KCNQ5: variants seen among roughly 807,000 people sequenced by gnomAD.
KCNQ5 encodes the protein potassium voltage-gated channel subfamily KQT member 5.
A neutral mutation model predicts 98.2 loss-of-function variants in KCNQ5; 30 were observed. That is an observed-to-expected ratio of 0.31 (90% CI 0.23 to 0.41). KCNQ5 has a LOEUF of 0.41. Ranked by LOEUF, KCNQ5 falls within the 10% of genes least tolerant of loss-of-function variation. The pLI is 1.00. For synonymous variants in KCNQ5, 458 were observed against 449.4 expected (o/e 1.02, Z -0.24); for missense variants, 835 against 1,182.5 (o/e 0.71, Z 4.31).
chr6:72,980,906 T>G (rs868294622), intron 1 of KCNQ5, among the ~76,000 whole-genome samples: 1 of 152,330 alleles, frequency 6.6e-6, no homozygotes, highest in African/African-American at 2.4e-5. Context: ...TTTCTGCATC[T>G]GTTGAGATAA....
intron 1 of KCNQ5, among the ~76,000 whole-genome samples, chr6:72,853,752 G>A (rs1190911596): frequency 6.6e-6 from 1 of 152,222 alleles, no homozygotes; most frequent in African/African-American, 2.4e-5. Context: ...TGGGGAAGGA[G>A]AGGATTCAGT....
Position 72,893,644 on chromosome 6 carries a change from T to A in KCNQ5, c.399-110264T>A, listed in dbSNP as rs1779142196. The stretch of plus-strand genomic sequence containing the variant: ...TCCTTTGTATATGAATTTGTTCTCC[T>A]GGTAATAATAATGAATTTAGACCTA... On this transcript the variant is annotated intron_variant, in intron 1 of 13. Transcript: ENST00000370398. 2.6e-5 allele frequency among the ~76,000 whole-genome samples: 4 copies of A among 152,232 alleles called. No homozygotes were observed. In the South Asian group the frequency reaches 8.3e-4, roughly 32 times the overall value.
intron 3 of KCNQ5, among the ~76,000 whole-genome samples, chr6:73,043,677 A>C (rs931658174): frequency 6.6e-6 from 1 of 152,218 alleles, no homozygotes; most frequent in African/African-American, 2.4e-5. Flanking sequence ...CTACAGGATA[A>C]GGTCAGTTCA....
At chr6:73,004,353 A>G (rs1769725112) in intron 2 of KCNQ5, among the ~76,000 whole-genome samples, 1 of 152,230 alleles carries the variant, frequency 6.6e-6, no homozygotes, top group African/African-American at 2.4e-5. Context: ...GTGAAAGACT[A>G]TAGAGTAGAG....
chr6:72,761,788 C>T (rs1772295889), intron 1 of KCNQ5, among the ~76,000 whole-genome samples: 1 of 151,944 alleles, frequency 6.6e-6, no homozygotes, highest in Non-Finnish European at 1.5e-5. Context: ...AAACGTAATG[C>T]CCTAAAATAT....
rs564527877 is a variant in KCNQ5, at chr6:72,687,039, C to T, written c.398+64452C>T. ...GTGTGTAAGTAAATATATTTTAGGACAGTTCTTAACTTATCAGTTAATTGT... is the reference window on the plus strand; with the variant it reads ...GTGTGTAAGTAAATATATTTTAGGATAGTTCTTAACTTATCAGTTAATTGT... On this transcript the variant is annotated intron_variant, in intron 1 of 13. Coordinates refer to ENST00000370398, the MANE Select transcript of KCNQ5 (RefSeq NM_019842.4). Among the ~76,000 whole-genome samples, 15 of 152,140 alleles carry T rather than the reference C, an allele frequency of 9.9e-5. 1 individual carries two copies. Among genetic ancestry groups the T allele is most frequent in the African/African-American group, 3.6e-4 (15 of 41,516 alleles).
chr6:72,708,324 A>T (rs73537767), intron 1 of KCNQ5, among the ~76,000 whole-genome samples: 15,913 of 152,174 alleles, frequency 0.1, 1,479 homozygotes, highest in African/African-American at 0.25. Context: ...CAGGGTGGAG[A>T]AATATTTGGA....
At chr6:72,898,886 G>T (rs1779363853) in intron 1 of KCNQ5, among the ~76,000 whole-genome samples, 1 of 152,088 alleles carries the variant, frequency 6.6e-6, no homozygotes, top group South Asian at 2.1e-4. Context: ...GTATGAGATG[G>T]TATCTCATGT....
intron 1 of KCNQ5, among the ~76,000 whole-genome samples, chr6:72,722,437 G>A (rs1429118975): frequency 6.6e-6 from 1 of 152,202 alleles, no homozygotes; most frequent in Non-Finnish European, 1.5e-5. Flanking sequence ...GTCTAGGAGT[G>A]TTTATATGCA....
chr6:73,079,527 C>T (rs962178424), intron 5 of KCNQ5, among the ~76,000 whole-genome samples: 2 of 152,094 alleles, frequency 1.3e-5, no homozygotes, highest in Non-Finnish European at 2.9e-5. Flanking sequence ...TTTAGCAGAA[C>T]TTGTTGTATT....
intron 1 of KCNQ5, among the ~76,000 whole-genome samples, chr6:72,683,461 G>A (rs1215959081): frequency 8.7e-5 from 13 of 149,668 alleles, no homozygotes; most frequent in Admixed American, 2.0e-4. Flanking sequence ...TCTGCCTCCC[G>A]GGTTCACGCC....
At chr6:72,910,750 C>A (rs773189803) in intron 1 of KCNQ5, among the ~76,000 whole-genome samples, 2 of 151,752 alleles carry the variant, frequency 1.3e-5, no homozygotes, top group Admixed American at 6.6e-5. Flanking sequence ...AAGAAGAAAC[C>A]GAAAGAGGAT....
intron 2 of KCNQ5, among the ~76,000 whole-genome samples, chr6:73,009,448 C>T (rs902698292): frequency 7.2e-5 from 11 of 151,960 alleles, no homozygotes; most frequent in East Asian, 1.9e-4. Context: ...AAAGAAATAT[C>T]TCAAATCAGC....
intron 5 of KCNQ5, among the ~76,000 whole-genome samples, chr6:73,102,441 A>T (rs1046979857): frequency 6.6e-6 from 1 of 152,166 alleles, no homozygotes; most frequent in Non-Finnish European, 1.5e-5. Context: ...CAATCAACAA[A>T]ATGAAGAGAC....
At chr6:72,689,685 G>A (rs1768117327) in intron 1 of KCNQ5, among the ~76,000 whole-genome samples, 1 of 152,036 alleles carries the variant, frequency 6.6e-6, no homozygotes, top group Non-Finnish European at 1.5e-5. Context: ...TGATACTGTG[G>A]TAAAATTTAC....
intron 1 of KCNQ5, among the ~76,000 whole-genome samples, chr6:72,894,597 A>T (rs959890893): frequency 6.6e-6 from 1 of 152,188 alleles, no homozygotes; most frequent in Admixed American, 6.5e-5. Flanking sequence ...GTCTTGGTTG[A>T]CAATTCTTCT....
intron 1 of KCNQ5, among the ~76,000 whole-genome samples, chr6:72,891,801 T>C (rs891894279): frequency 6.6e-6 from 1 of 152,210 alleles, no homozygotes; most frequent in African/African-American, 2.4e-5. Flanking sequence ...AAGACTATTC[T>C]AGAATCCCCT....
At chr6:73,139,059 G>C (rs1776599511) in intron 10 of KCNQ5, among the ~76,000 whole-genome samples, 1 of 152,218 alleles carries the variant, frequency 6.6e-6, no homozygotes, top group Non-Finnish European at 1.5e-5. Flanking sequence ...GATTCTCTGA[G>C]TCTTCTTTTG....
chr6:72,947,204 T>G (rs1201359692), intron 1 of KCNQ5, among the ~76,000 whole-genome samples: 1 of 152,162 alleles, frequency 6.6e-6, no homozygotes, highest in Non-Finnish European at 1.5e-5. Context: ...GAAACTAATA[T>G]ATATGCTTCA....
Sources: allele counts gnomAD v4.1 joint callset (sites outside exome capture counted in the v4.1 genomes callset), GRCh38; gene constraint gnomAD v4.1.1; transcripts MANE v1.5; gene names NCBI Gene and HGNC (gene_info 2026-07-23, HGNC 2026-07-21).